Variants in DNAJA1 observed in about 807,000 individuals in gnomAD.
DNAJA1 encodes dnaJ homolog subfamily A member 1.
DNAJA1 carries 26 observed loss-of-function variants against 47.6 expected under a neutral mutation model. The ratio of observed to expected loss-of-function variants is 0.55; its 90% CI spans 0.40 to 0.76. The LOEUF (loss-of-function observed/expected upper bound fraction) is 0.76. DNAJA1 is among the 30% of genes least tolerant of loss of function. The pLI is 0.00. For synonymous variants in DNAJA1, 165 were observed against 158.4 expected (o/e 1.04, Z -0.31); for missense variants, 315 against 485.0 (o/e 0.65, Z 3.29).
At chr9:33,032,161 CA>C (rs1260228374) in intron 5 of DNAJA1, among the ~76,000 whole-genome samples, 1 of 152,190 alleles carries the variant, frequency 6.6e-6, no homozygotes, top group Non-Finnish European at 1.5e-5. Flanking sequence ...TATTAATATA[CA>C]AATCTACATT....
intron 3 of DNAJA1, among the ~76,000 whole-genome samples, 163 bp downstream of exon 3, chr9:33,027,153 G>A (rs938467065): frequency 7.1e-6 from 1 of 140,276 alleles, no homozygotes; most frequent in African/African-American, 2.6e-5. Flanking sequence ...TTTTGTTGTG[G>A]TTTTTTTTTT....
In DNAJA1 at chr9:33,039,376, TTC is replaced by T. The variant is rs1420247447; in HGVS notation, c.*475_*476del. 6.5e-6 allele frequency: 1 copy of T among 152,896 alleles called. No homozygotes were observed. The highest frequency in any genetic ancestry group is 2.4e-5 in the African/African-American group (1 of 41,424). The allele number at this position is 152,896 out of a possible 1,614,324, so 9.5% of individuals were successfully genotyped here. A position where few individuals can be genotyped will look rare whatever the true frequency, so the allele number is the denominator to read the frequency against. ...ATTCATTGTAATGCCTCTGCATTTA[TTC>T]TGTTGCCTCAGCTGTTACTTGAAGA... On this transcript the variant is annotated 3_prime_UTR_variant, in exon 9 of 9. Transcript: ENST00000330899.
chr9:33,033,856 G>C (rs1258650503), intron 5 of DNAJA1, among the ~76,000 whole-genome samples: 1 of 152,142 alleles, frequency 6.6e-6, no homozygotes, highest in Non-Finnish European at 1.5e-5. Context: ...ACCAGTGTTA[G>C]CCAGTCATGG....
intron 6 of DNAJA1, chr9:33,036,322 AC>A (rs1839032610): frequency 4.4e-6 from 1 of 229,628 alleles, no homozygotes; most frequent in Non-Finnish European, 8.4e-6. Flanking sequence ...GAAACAGTTC[AC>A]TGATGGTAAA....
At chr9:33,026,696 G>A (rs1838866510) in intron 2 of DNAJA1, 80 bp downstream of exon 2, 1 of 1,563,358 alleles carries the variant, frequency 6.4e-7, no homozygotes, top group Non-Finnish European at 8.6e-7. Context: ...CTGAAATCGA[G>A]TATCTAATAT....
intron 5 of DNAJA1, among the ~76,000 whole-genome samples, chr9:33,033,054 T>A (rs1838983798): frequency 6.6e-6 from 1 of 152,022 alleles, no homozygotes; most frequent in African/African-American, 2.4e-5. Context: ...TTTGGTGTAA[T>A]ACTCTACAAA....
At chr9:33,027,793 C>T (rs1217784839) in intron 3 of DNAJA1, among the ~76,000 whole-genome samples, 5 of 151,630 alleles carry the variant, frequency 3.3e-5, no homozygotes, top group Non-Finnish European at 5.9e-5. Flanking sequence ...GAGGTTGCAG[C>T]GAACGGAGGT....
At chr9:33,028,639 G>A (rs1838912005) in intron 3 of DNAJA1, among the ~76,000 whole-genome samples, 1 of 152,192 alleles carries the variant, frequency 6.6e-6, no homozygotes, top group African/African-American at 2.4e-5. Flanking sequence ...AAAAAGTAGT[G>A]GTGGTTTTTC....
At chr9:33,034,915 A>C (rs1328669150) in intron 6 of DNAJA1, among the ~76,000 whole-genome samples, 1 of 151,884 alleles carries the variant, frequency 6.6e-6, no homozygotes, top group Non-Finnish European at 1.5e-5. Context: ...AGGTGGGAGG[A>C]TCACTTGAGG....
rs752685836 is a variant in DNAJA1 at position 33,038,985 on chromosome 9, T to C, written c.*82T>C. The stretch of plus-strand genomic sequence containing the variant: ...AGGACTGTAATCATAATATGCTCAC[T>C]ACTTGCTCTTGTTTTTGTTTTAATA... On this transcript the variant is annotated 3_prime_UTR_variant, in exon 9 of 9. Transcript: ENST00000330899. 1.6e-6 allele frequency: 2 copies of C among 1,265,198 alleles called. No individual in the cohort carries two copies. Among genetic ancestry groups the C allele is most frequent in the Non-Finnish European group, 2.2e-6 (2 of 903,794 alleles). The allele number at this position is 1,265,198 out of a possible 1,614,324, so 78.4% of individuals were successfully genotyped here.
chr9:33,032,166 C>T (rs1419680301), intron 5 of DNAJA1, among the ~76,000 whole-genome samples: 1 of 152,180 alleles, frequency 6.6e-6, no homozygotes, highest in Non-Finnish European at 1.5e-5. Context: ...ATATACAAAT[C>T]TACATTAACA....
rs576537888 is a variant in DNAJA1, at chr9:33,039,304, A to T, written c.*401A>T. The T allele has an allele frequency of 2.1e-4, 38 of 178,016 alleles. No homozygotes were observed. The highest frequency in any genetic ancestry group is 8.6e-4 in the African/African-American group (36 of 41,904). 11.0% of individuals were successfully genotyped at this position (178,016 alleles called of 1,614,324 possible). ...TTTAACTGGCAATGAGGAAAAAAAA[A>T]TTTTGTAGAGAAGTGTTGGTCTGTA... is the stretch of plus-strand genomic sequence containing the variant. On this transcript the variant is annotated 3_prime_UTR_variant, in exon 9 of 9. Coordinates refer to ENST00000330899, the MANE Select transcript of DNAJA1 (RefSeq NM_001539.4).
intron 4 of DNAJA1, among the ~76,000 whole-genome samples, 184 bp from the exon 5 acceptor site, chr9:33,030,256 A>C (rs1838939918): frequency 6.6e-6 from 1 of 150,866 alleles, no homozygotes. Flanking sequence ...AATTTATTGG[A>C]AAGTGTGTTC....
intron 5 of DNAJA1, among the ~76,000 whole-genome samples, chr9:33,031,358 A>G (rs780359889): frequency 6.6e-6 from 1 of 152,114 alleles, no homozygotes; most frequent in Non-Finnish European, 1.5e-5. Flanking sequence ...CGGCCTCCCA[A>G]AGTGCTGGGA....
At position 33,026,896 on chromosome 9, in the gene DNAJA1, TAAAG is replaced by T; in HGVS notation, c.218_221del (p.Lys73ArgfsTer40). 1.2e-6 allele frequency: 2 copies of T among 1,614,168 alleles called. No homozygotes were observed. The highest frequency in any genetic ancestry group is 1.7e-6 in the Non-Finnish European group (2 of 1,180,036). On this transcript the variant is annotated frameshift_variant, in exon 3 of 9. Coordinates refer to ENST00000330899, the MANE Select transcript of DNAJA1 (RefSeq NM_001539.4). LOFTEE classifies it high-confidence loss of function. ...ATGACAAAGGAGGAGAACAGGCAATTAAAGAGGGTGGAGCAGGTGGCGGTTTTGG... is the reference window on the plus strand; with the variant it reads ...ATGACAAAGGAGGAGAACAGGCAATTAGGGTGGAGCAGGTGGCGGTTTTGG...
chr9:33,038,694 C>T lies in DNAJA1; in HGVS notation c.985C>T (p.Pro329Ser). Residue 329 changes from proline (P) to serine (S), a missense_variant, in exon 9 of 9, where the codon CCT becomes TCT. Around this residue, in one of 4 missense-constraint regions of DNAJA1, gnomAD observed 162 missense variants for 185.4 expected, o/e 0.87. Transcript: ENST00000330899. ...AAAGTTTCTTTTGAAGGTAAACTTT[C>T]CTGAGAATGGCTTTCTCTCTCCTGA... ...RLIIEFKVNF[P>S]ENGFLSPDKL... is the part of the protein sequence containing the mutation. The T allele has an allele frequency of 6.2e-7, 1 of 1,613,590 alleles. No individual in the cohort carries two copies. Among genetic ancestry groups the T allele is most frequent in the Non-Finnish European group, 8.5e-7 (1 of 1,179,784 alleles).
chr9:33,027,754 G>A (rs1838895596), intron 3 of DNAJA1, among the ~76,000 whole-genome samples: 1 of 152,044 alleles, frequency 6.6e-6, no homozygotes, highest in African/African-American at 2.4e-5. Flanking sequence ...GGAGGCTGAG[G>A]CAGGAGAATC....
At chr9:33,025,637 C>T (rs930471325) in intron 1 of DNAJA1, among the ~76,000 whole-genome samples, 1 of 152,188 alleles carries the variant, frequency 6.6e-6, no homozygotes, top group African/African-American at 2.4e-5. Flanking sequence ...GAGCTACTGT[C>T]TTCGGCTGCC....
intron 6 of DNAJA1, among the ~76,000 whole-genome samples, chr9:33,035,212 T>C (rs748506641): frequency 6.6e-6 from 1 of 151,858 alleles, no homozygotes; most frequent in Non-Finnish European, 1.5e-5. Flanking sequence ...CATGGTGAAA[T>C]GCCATCTCTG....
Sources: gnomAD v4.1 joint callset for allele counts (sites outside exome capture counted in the v4.1 genomes callset) on GRCh38, gnomAD v4.1.1 for gene constraint, gnomAD v4.1.1 regional missense constraint, MANE v1.5 for transcripts, NCBI Gene and HGNC (gene_info 2026-07-23, HGNC 2026-07-21) for gene names.